The following FRY variants were observed in gnomAD, a reference collection of about 807,000 sequenced individuals.
FRY encodes the protein FRY microtubule binding protein, also known as protein furry homolog.
A neutral mutation model predicts 348.4 loss-of-function variants in FRY; 128 were observed. The ratio of observed to expected loss-of-function variants is 0.37; its 90% confidence interval spans 0.32 to 0.43. The LOEUF (loss-of-function observed/expected upper bound fraction) is 0.43. FRY is among the 20% of genes least tolerant of loss of function. The pLI is 1.00. For missense variants in FRY, 2,736 were observed against 3,695.2 expected (o/e 0.74, Z 6.73); for synonymous variants, 1,370 against 1,374.7 (o/e 1.00, Z 0.08).
At position 32,124,784 on chromosome 13, in the gene FRY, A is replaced by G. The variant is rs747405326; in HGVS notation, c.636-11A>G. On this transcript the variant is annotated splice_polypyrimidine_tract_variant and intron_variant, in intron 6 of 60. Coordinates refer to ENST00000542859, the MANE Select transcript of FRY (RefSeq NM_023037.3). ...AGGGATCCCTAACTTGTCTAATTAT[A>G]CCCTACTTAGGTACCTTGGTCCCAA... The G allele has an allele frequency of 8.1e-6, 13 of 1,601,344 alleles. 1 individual carries two copies. The highest frequency in any genetic ancestry group is 5.5e-5 in the South Asian group (5 of 90,806).
At chr13:32,114,008 A>G (rs1040054394) in intron 3 of FRY, among the ~76,000 whole-genome samples, 1 of 152,176 alleles carries the variant, frequency 6.6e-6, no homozygotes, top group Non-Finnish European at 1.5e-5. Flanking sequence ...ATTTTAAGAA[A>G]TTATTATAGA....
chr13:32,184,994 G>T lies in FRY; in HGVS notation c.3165G>T (p.Glu1055Asp). The change falls in exon 26 of 61, where the codon GAG becomes GAT. Residue 1055 changes from glutamate to aspartate, a missense_variant. Glu to Asp is a conservative substitution (Grantham distance 45). Around this residue, in one of 9 missense-constraint regions of FRY, gnomAD observed 449 missense variants for 576.9 expected, o/e 0.78. Coordinates refer to ENST00000542859, the MANE Select transcript of FRY (RefSeq NM_023037.3). The part of the protein sequence containing the change: ...VISDSTNGAL[E>D]RDTLALGALF... ...ATTCCAGCACAAATGGAGCCCTAGAGCGGGATACTTTAGCCCTGGGAGCTT... is the reference window on the plus strand; with the variant it reads ...ATTCCAGCACAAATGGAGCCCTAGATCGGGATACTTTAGCCCTGGGAGCTT... 2 of 1,613,964 alleles carry T rather than the reference G, an allele frequency of 1.2e-6. No individual in the cohort carries two copies. Among genetic ancestry groups the T allele is most frequent in the Non-Finnish European group, 1.7e-6 (2 of 1,179,892 alleles).
At position 32,239,828 on chromosome 13, in the gene FRY, C is replaced by T; in HGVS notation, c.6634C>T (p.Leu2212Phe). ...ATWVNVVCRY[L>F]HEAYADITLN... ...GTGGGTCAATGTGGTCTGTCGATAC[C>T]TTCATGAAGCATATGCTGACATTAC... The change falls in exon 46 of 61, where the codon CTT becomes TTT. Residue 2212 changes from leucine to phenylalanine, a missense_variant. This residue lies in a region of FRY where 789 missense variants were observed against 996.2 expected (regional missense o/e 0.79). Coordinates refer to ENST00000542859, the MANE Select transcript of FRY (RefSeq NM_023037.3). The surrounding 1 kb of genome is among the most constrained non-coding windows in gnomAD (Gnocchi z 4.3). The T allele has an allele frequency of 1.2e-6, 2 of 1,614,080 alleles. No homozygotes were observed. The highest frequency in any genetic ancestry group is 1.3e-5 in the African/African-American group (1 of 75,032).
At chr13:32,209,445 G>A (rs1389800706) in intron 32 of FRY, 140 bp from the exon 33 acceptor site, 4 of 812,072 alleles carry the variant, frequency 4.9e-6, no homozygotes, top group East Asian at 2.5e-5. Flanking sequence ...CTGAAAGATG[G>A]CATCTTTCTG....
At chr13:32,081,978 T>A (rs1407372384) in intron 2 of FRY, among the ~76,000 whole-genome samples, 1 of 152,246 alleles carries the variant, frequency 6.6e-6, no homozygotes, top group African/African-American at 2.4e-5. Flanking sequence ...ATCACAAAAT[T>A]GTATTCTATT....
chr13:32,291,883 C>T (rs926970051), intron 59 of FRY: 22 of 371,396 alleles, frequency 5.9e-5, no homozygotes, highest in African/African-American at 4.2e-4. Flanking sequence ...AGAAGTAGAA[C>T]CTGAAGATGT....
At position 32,178,422 on chromosome 13, in the gene FRY, TCTGG is replaced by T. The variant is rs1278356472; in HGVS notation, c.2668_2671del (p.Leu890TrpfsTer29). The T allele has an allele frequency of 6.2e-7, 1 of 1,614,180 alleles. No individual in the cohort carries two copies. The highest frequency in any genetic ancestry group is 2.2e-5 in the East Asian group (1 of 44,882). ...TCACTCGGCTCCAGTCGGTGATGCCTCTGGTGGACCCAAAGTAAGGGATTCTTGT... is the reference window on the plus strand; with the variant it reads ...TCACTCGGCTCCAGTCGGTGATGCCTTGGACCCAAAGTAAGGGATTCTTGT... On this transcript the variant is annotated frameshift_variant, in exon 21 of 61. Transcript: ENST00000542859. LOFTEE classifies it high-confidence loss of function.
intron 55 of FRY, 151 bp from the exon 56 acceptor site, chr13:32,274,691 G>C: frequency 1.9e-6 from 1 of 534,280 alleles, no homozygotes; most frequent in Non-Finnish European, 3.2e-6. Flanking sequence ...GCGACAGAGC[G>C]AGATTCTGTC....
chr13:32,122,516 C>T (rs1878733193), intron 4 of FRY, among the ~76,000 whole-genome samples: 1 of 151,530 alleles, frequency 6.6e-6, no homozygotes, highest in Non-Finnish European at 1.5e-5. Flanking sequence ...TCAGCAAAAT[C>T]GGCATACAAG....
chr13:32,268,505 A>AAAATATATATATAT (rs1555273232), intron 55 of FRY, among the ~76,000 whole-genome samples: 7 of 28,286 alleles, frequency 2.5e-4, no homozygotes, highest in Non-Finnish European at 4.9e-4. Flanking sequence ...AAAAAAAAAA[A>AAAATATATATATAT]ATATATATAT....
intron 1 of FRY, among the ~76,000 whole-genome samples, chr13:32,070,497 G>A (rs545257093): frequency 1.6e-4 from 24 of 151,614 alleles, no homozygotes; most frequent in Admixed American, 2.6e-4. Context: ...ACGTCTGTTG[G>A]CCACATAAAT....
At chr13:32,294,285 A>C in intron 59 of FRY, 83 bp from the exon 60 acceptor site, 1 of 937,614 alleles carries the variant, frequency 1.1e-6, no homozygotes, top group Admixed American at 2.0e-5. Context: ...AACCACACCC[A>C]TAAGATCCTT....
chr13:32,151,735 C>G (rs184619046), intron 14 of FRY, among the ~76,000 whole-genome samples: 2 of 152,308 alleles, frequency 1.3e-5, no homozygotes, highest in East Asian at 3.9e-4. Context: ...AGAAGAGTTT[C>G]TTGGTCATCA....
chr13:32,131,008 GC>G (rs1306099581), intron 7 of FRY, among the ~76,000 whole-genome samples: 2 of 152,020 alleles, frequency 1.3e-5, no homozygotes, highest in African/African-American at 4.8e-5. Context: ...TAGAGATGGG[GC>G]TTCATCATAT....
intron 1 of FRY, among the ~76,000 whole-genome samples, chr13:32,040,358 G>A (rs1456178648): frequency 1.3e-5 from 2 of 152,030 alleles, no homozygotes; most frequent in Non-Finnish European, 2.9e-5. Flanking sequence ...TTTCTTATAC[G>A]AAAGGAACAA....
intron 11 of FRY, among the ~76,000 whole-genome samples, chr13:32,137,865 T>A (rs1879819854): frequency 6.6e-6 from 1 of 152,172 alleles, no homozygotes; most frequent in Non-Finnish European, 1.5e-5. Context: ...TTTGGTGAAG[T>A]AGTTAAGATT....
chr13:32,290,451 G>A (rs530089763), intron 59 of FRY, among the ~76,000 whole-genome samples: 2 of 152,180 alleles, frequency 1.3e-5, no homozygotes, highest in South Asian at 2.1e-4. Context: ...TGAGGGAGGA[G>A]CATTCCAATA....
intron 59 of FRY, among the ~76,000 whole-genome samples, chr13:32,290,210 A>G (rs1393307672): frequency 6.6e-6 from 1 of 152,166 alleles, no homozygotes; most frequent in African/African-American, 2.4e-5. Flanking sequence ...AATATTTTAA[A>G]ATATTTAAAA....
At chr13:32,186,926 G>A (rs1326751434) in intron 27 of FRY, among the ~76,000 whole-genome samples, 2 of 152,038 alleles carry the variant, frequency 1.3e-5, no homozygotes, top group African/African-American at 4.8e-5. Context: ...TTGCCTCGGT[G>A]GAACTAATTT....
Sources: gnomAD v4.1 joint callset for allele counts (sites outside exome capture counted in the v4.1 genomes callset) on GRCh38, gnomAD v4.1.1 for gene constraint, gnomAD v4.1.1 regional missense constraint, Gnocchi (gnomAD v3.1) non-coding constraint, MANE v1.5 for transcripts, NCBI Gene and HGNC (gene_info 2026-07-23, HGNC 2026-07-21) for gene names.